ABCB1: variants seen among roughly 807,000 people sequenced by gnomAD.
ABCB1 encodes ATP-dependent translocase ABCB1.
Under a neutral mutation model 142.0 loss-of-function variants are expected in ABCB1, and 69 were observed. The ratio of observed to expected loss-of-function variants is 0.49; its 90% CI spans 0.40 to 0.59. The LOEUF (loss-of-function observed/expected upper bound fraction) is 0.59. ABCB1 is among the 20% of genes least tolerant of loss of function. ABCB1 has a pLI of 0.00. For missense variants in ABCB1, 1,326 were observed against 1,554.7 expected, an observed-to-expected ratio of 0.85 and a Z score of 2.47; for synonymous variants, 532 against 539.2, an observed-to-expected ratio of 0.99 and a Z score of 0.18.
At chr7:87,564,710 G>A (rs942188529) in intron 7 of ABCB1, among the ~76,000 whole-genome samples, 1 of 152,308 alleles carries the variant, frequency 6.6e-6, no homozygotes, top group East Asian at 1.9e-4. Context: ...TACCAAAAGT[G>A]TAATGCTGAG....
chr7:87,526,565 AG>A (rs1815792749), intron 21 of ABCB1, among the ~76,000 whole-genome samples: 1 of 152,062 alleles, frequency 6.6e-6, no homozygotes, highest in Non-Finnish European at 1.5e-5. Flanking sequence ...CCTCATCTAA[AG>A]GCTGAATTAG....
At chr7:87,630,482 A>T (rs759639099) in intron 1 of ABCB1, among the ~76,000 whole-genome samples, 27 of 152,182 alleles carry the variant, frequency 1.8e-4, no homozygotes, top group Non-Finnish European at 4.4e-5. Flanking sequence ...TTTAAAATAT[A>T]GGTAAATATC....
At chr7:87,619,482 T>C (rs1029653452) in intron 1 of ABCB1, among the ~76,000 whole-genome samples, 3 of 149,106 alleles carry the variant, frequency 2.0e-5, no homozygotes, top group African/African-American at 7.4e-5. Context: ...GAGGTTGCAG[T>C]GAGCCAAGAC....
intron 5 of ABCB1, among the ~76,000 whole-genome samples, chr7:87,569,657 CATTGAAAATAATT>C (rs1338160315): frequency 5.3e-5 from 8 of 151,964 alleles, no homozygotes; most frequent in Admixed American, 1.3e-4. Context: ...AATTATAAGC[CATTGAAAATAATT>C]ATTCTGTCTC....
At chr7:87,509,515 C>T in intron 25 of ABCB1, 34 bp from the exon 26 acceptor site, 19 of 1,597,978 alleles carry the variant, frequency 1.2e-5, no homozygotes, top group Non-Finnish European at 1.6e-5. Context: ...AACTTCAGGA[C>T]CAGCACACTT....
intron 2 of ABCB1, among the ~76,000 whole-genome samples, chr7:87,596,227 G>T (rs111368373): frequency 3.9e-4 from 59 of 152,082 alleles, no homozygotes; most frequent in African/African-American, 1.3e-3. Context: ...TTTGATTAAT[G>T]ATGGCAGTAG....
chr7:87,521,325 A>C (rs1815495243), intron 21 of ABCB1: 1 of 413,232 alleles, frequency 2.4e-6, no homozygotes, highest in South Asian at 3.2e-5. Context: ...GAAAATAGTG[A>C]AAGAATGCAG....
At chr7:87,544,081 T>C in intron 17 of ABCB1, 48 bp downstream of exon 17, 1 of 1,607,826 alleles carries the variant, frequency 6.2e-7, no homozygotes, top group East Asian at 2.2e-5. Flanking sequence ...TCGTTCATTC[T>C]TCCATCAGGA....
chr7:87,506,959 A>C (rs1814780958), intron 26 of ABCB1, among the ~76,000 whole-genome samples: 1 of 152,228 alleles, frequency 6.6e-6, no homozygotes, highest in South Asian at 2.1e-4. Context: ...CTCAGAAGGC[A>C]GGAGCACTGA....
chr7:87,517,459 A>C (rs1009837357), intron 23 of ABCB1, among the ~76,000 whole-genome samples: 2 of 152,140 alleles, frequency 1.3e-5, no homozygotes, highest in Non-Finnish European at 2.9e-5. Flanking sequence ...TCTGAATCCC[A>C]ACCAACCAGC....
intron 26 of ABCB1, 191 bp from the exon 27 acceptor site, chr7:87,506,234 A>C (rs368806784): frequency 1.3e-5 from 8 of 600,632 alleles, no homozygotes; most frequent in Non-Finnish European, 2.3e-5. Flanking sequence ...CTATTTGAAA[A>C]TAAATGTTTG....
intron 1 of ABCB1, among the ~76,000 whole-genome samples, chr7:87,669,307 T>C (rs572365703): frequency 6.6e-6 from 1 of 152,214 alleles, no homozygotes; most frequent in Non-Finnish European, 1.5e-5. Context: ...CCCTTCTTTT[T>C]TCTGTTTTCC....
chr7:87,534,510 G>A (rs1196311416), intron 20 of ABCB1, among the ~76,000 whole-genome samples: 1 of 152,058 alleles, frequency 6.6e-6, no homozygotes, highest in African/African-American at 2.4e-5. Context: ...CAGCCTTCTT[G>A]ACATCTACAT....
intron 4 of ABCB1, among the ~76,000 whole-genome samples, chr7:87,583,273 A>G (rs17149783): frequency 0.013 from 2,046 of 152,308 alleles, 46 homozygotes; most frequent in African/African-American, 0.046. Context: ...TTGTTATCCA[A>G]CTTAATAACT....
chr7:87,670,670 A>G (rs1825736662), intron 1 of ABCB1, among the ~76,000 whole-genome samples: 1 of 152,208 alleles, frequency 6.6e-6, no homozygotes, highest in African/African-American at 2.4e-5. Context: ...TGTTTTCACC[A>G]GGCCAAGGCT....
chr7:87,625,150 G>T (rs896066258), intron 1 of ABCB1, among the ~76,000 whole-genome samples: 1 of 152,078 alleles, frequency 6.6e-6, no homozygotes, highest in Non-Finnish European at 1.5e-5. Flanking sequence ...CCAGCGACTC[G>T]GGAGGCTGAG....
At chr7:87,636,559 G>T (rs370348837) in intron 1 of ABCB1, among the ~76,000 whole-genome samples, 6 of 152,108 alleles carry the variant, frequency 3.9e-5, no homozygotes, top group East Asian at 3.9e-4. Context: ...AGAAATTTCT[G>T]ATTGTAAAAT....
intron 1 of ABCB1, among the ~76,000 whole-genome samples, chr7:87,685,884 G>A (rs537449781): frequency 9.9e-5 from 15 of 152,172 alleles, no homozygotes; most frequent in Non-Finnish European, 1.6e-4. Flanking sequence ...TCCCACTTTC[G>A]ATTATAATAT....
At chr7:87,549,266 C>T in intron 14 of ABCB1, 82 bp downstream of exon 14, 1 of 1,564,408 alleles carries the variant, frequency 6.4e-7, no homozygotes, top group Non-Finnish European at 8.7e-7. Flanking sequence ...ATTTCCTTTT[C>T]TAAGACCAAT....
Sources: gnomAD v4.1 joint callset for allele counts (sites outside exome capture counted in the v4.1 genomes callset) on GRCh38, gnomAD v4.1.1 for gene constraint, MANE v1.5 for transcripts, NCBI Gene and HGNC (gene_info 2026-07-23, HGNC 2026-07-21) for gene names.